The following PPP1R13L variants were observed in gnomAD, a reference collection of about 807,000 sequenced individuals.
The protein encoded by PPP1R13L is relA-associated inhibitor.
A neutral mutation model predicts 80.9 loss-of-function variants in PPP1R13L; 50 were observed. The ratio of observed to expected loss-of-function variants is 0.62; its 90% CI spans 0.49 to 0.78. The LOEUF is 0.78. Among genes scored for constraint, PPP1R13L ranks in the 30% least tolerant of loss-of-function variants. The pLI, the probability that PPP1R13L is intolerant of heterozygous loss-of-function variation, is 0.00. For missense variants in PPP1R13L, 1,200 were observed against 1,205.9 expected (o/e 1.00, Z 0.07); for synonymous variants, 602 against 534.3 (o/e 1.13, Z -1.75).
intron 1 of PPP1R13L, among the ~76,000 whole-genome samples, chr19:45,401,445 G>T (rs556026253): frequency 6.6e-6 from 1 of 150,976 alleles, no homozygotes; most frequent in South Asian, 2.1e-4. Flanking sequence ...CAATCCTCCC[G>T]CCTCAGCCTC....
Position 45,380,152 on chromosome 19 carries a change from C to T in PPP1R13L, c.*38G>A, listed in dbSNP as rs1203205274. 4.3e-6 allele frequency: 7 copies of T among 1,610,778 alleles called. No homozygotes were observed. In the South Asian group the frequency reaches 7.7e-5, roughly 18 times the overall value. ...GAGGTCTGGAGGGAAGGCAGGAATG[C>T]TTGTTTCTGTCAGCCTCAGAAACCT... On this transcript the variant is annotated 3_prime_UTR_variant, in exon 13 of 13. Coordinates refer to ENST00000360957, the MANE Select transcript of PPP1R13L (RefSeq NM_006663.4).
At position 45,396,501 on chromosome 19, in the gene PPP1R13L, T is replaced by A; in HGVS notation, c.712+44A>T. On this transcript the variant is annotated intron_variant, in intron 4 of 12. Coordinates refer to ENST00000360957, the MANE Select transcript of PPP1R13L (RefSeq NM_006663.4). The surrounding 1 kb of genome is among the most constrained non-coding windows in gnomAD (Gnocchi z 5.3). ...GGCGAGCCCCGGATCCTGCCCGCTT[T>A]GACCCCGCGAGTCAAAGGCCCCGCG... is the stretch of plus-strand genomic sequence containing the variant. 1 of 1,606,636 alleles carries A rather than the reference T, an allele frequency of 6.2e-7. No homozygotes were observed. Among genetic ancestry groups the A allele is most frequent in the Non-Finnish European group, 8.5e-7 (1 of 1,177,290 alleles).
Position 45,399,701 on chromosome 19 carries a change from C to T in PPP1R13L, c.-21-1362G>A, listed in dbSNP as rs375519681. 3.3e-5 allele frequency among the ~76,000 whole-genome samples: 5 copies of T among 151,314 alleles called. No homozygotes were observed. In the East Asian group the frequency reaches 5.8e-4, roughly 18 times the overall value. Reference sequence around the variant, plus strand: ...AGGCGCGGTGGTTCACTCCTGTAACCCGAGCACTTTGGGAGGCCGAGGTGG... The same window carrying T: ...AGGCGCGGTGGTTCACTCCTGTAACTCGAGCACTTTGGGAGGCCGAGGTGG... On this transcript the variant is annotated intron_variant, in intron 1 of 12. Coordinates refer to ENST00000360957, the MANE Select transcript of PPP1R13L (RefSeq NM_006663.4).
chr19:45,403,349 C>A (rs2123406405), intron 1 of PPP1R13L, among the ~76,000 whole-genome samples: 1 of 152,184 alleles, frequency 6.6e-6, no homozygotes, highest in Non-Finnish European at 1.5e-5. Flanking sequence ...TGAGATCATA[C>A]AAGCCCTGAG....
upstream of PPP1R13L, chr19:45,406,134 C>T: frequency 3.9e-6 from 1 of 257,816 alleles, no homozygotes; most frequent in Non-Finnish European, 6.1e-6. This position sits in a 1 kb window ranked among gnomAD's most constrained non-coding sequence, Gnocchi z 4.2. Flanking sequence ...AGTCCAGAAG[C>T]CCCGCCCCTG....
intron 7 of PPP1R13L, 127 bp downstream of exon 7, chr19:45,395,309 C>T: frequency 7.6e-7 from 1 of 1,313,142 alleles, no homozygotes; most frequent in Non-Finnish European, 1.1e-6. Flanking sequence ...TGGCCTAGCT[C>T]TCTGCAGGGA....
intron 1 of PPP1R13L, 126 bp from the exon 2 acceptor site, chr19:45,398,465 C>G (rs1973161784): frequency 1.1e-6 from 1 of 891,906 alleles, no homozygotes; most frequent in Admixed American, 2.7e-5. Flanking sequence ...AAGCCCTTTA[C>G]CCTTTCACCT....
In PPP1R13L at chr19:45,396,860, C is replaced by T; in HGVS notation, c.397G>A (p.Gly133Ser). The T allele has an allele frequency of 6.5e-7, 1 of 1,528,018 alleles. No individual in the cohort carries two copies. The highest frequency in any genetic ancestry group is 1.2e-5 in the South Asian group (1 of 82,478). 94.7% of individuals were successfully genotyped at this position (1,528,018 alleles called of 1,614,324 possible). ...GGCGAGGTCGCGCGGTCCAGGCTGC[C>T]GTAGGCGTCCGGCTGCAGGTAGAGC... is the stretch of plus-strand genomic sequence containing the variant. ...TPLYLQPDAY[G>S]SLDRATSPRP... is the part of the protein sequence containing the mutation. The change falls in exon 4 of 13, where the codon GGC becomes AGC. Residue 133 changes from glycine (G) to serine (S), a missense_variant. Gly to Ser is a moderately conservative substitution (Grantham distance 56). Coordinates refer to ENST00000360957, the MANE Select transcript of PPP1R13L (RefSeq NM_006663.4). This position sits in a 1 kb window ranked among gnomAD's most constrained non-coding sequence, Gnocchi z 5.3.
intron 12 of PPP1R13L, among the ~76,000 whole-genome samples, chr19:45,380,950 C>T (rs897729210): frequency 6.7e-6 from 1 of 150,328 alleles, no homozygotes; most frequent in African/African-American, 2.4e-5. Flanking sequence ...TCCTCAGTTA[C>T]ACTGTAATTT....
At position 45,397,469 on chromosome 19, in the gene PPP1R13L, TCTC is replaced by T. The variant is rs1489433394; in HGVS notation, c.199-414_199-412del. Among the ~76,000 whole-genome samples the T allele has an allele frequency of 9.0e-3, 876 of 97,724 alleles. 9 individuals carry two copies. Among genetic ancestry groups the T allele is most frequent in the East Asian group, 0.015 (55 of 3,552 alleles). The allele number at this position is 97,724 out of a possible 152,430, so 64.1% of individuals were successfully genotyped here. A position where few individuals can be genotyped will look rare whatever the true frequency, so the allele number is the denominator to read the frequency against. ...CCTCCCTGCTTGCTTGCTTTCTCTC[TCTC>T]TCTTTCTTTCTTTCTTTCTTTCTTT... is the stretch of plus-strand genomic sequence containing the variant. On this transcript the variant is annotated intron_variant, in intron 3 of 12. Coordinates refer to ENST00000360957, the MANE Select transcript of PPP1R13L (RefSeq NM_006663.4).
intron 1 of PPP1R13L, among the ~76,000 whole-genome samples, chr19:45,403,501 C>G (rs1035377096): frequency 6.6e-6 from 1 of 152,104 alleles, no homozygotes; most frequent in African/African-American, 2.4e-5. Flanking sequence ...AGATTCCAGA[C>G]AGAAGCTGGC....
chr19:45,399,608 T>C lies in PPP1R13L; in HGVS notation c.-21-1269A>G, dbSNP rs528254105. ...CACTGCACTCCAGCCTGGGCGACAG[T>C]GCGAGACTCCGTCTTAAAACAAACA... On this transcript the variant is annotated intron_variant, in intron 1 of 12. Coordinates refer to ENST00000360957, the MANE Select transcript of PPP1R13L (RefSeq NM_006663.4). Among the ~76,000 whole-genome samples the C allele has an allele frequency of 2.7e-5, 4 of 147,924 alleles. 1 individual carries two copies. Among genetic ancestry groups the C allele is most frequent in the African/African-American group, 7.4e-5 (3 of 40,442 alleles).
At chr19:45,390,889 T>G (rs34906680) in intron 8 of PPP1R13L, among the ~76,000 whole-genome samples, 11,354 of 152,106 alleles carry the variant, frequency 0.075, 1,323 homozygotes, top group African/African-American at 0.25. Flanking sequence ...CGGCCGAGAC[T>G]CACTATTTTA....
Position 45,396,006 on chromosome 19 carries a change from G to C in PPP1R13L, c.904-120C>G. ...AGCCCTGGGAGTGAGGGAGAAGAAA[G>C]GGTGAGGAAGGAGCAGAAACCCAGC... On this transcript the variant is annotated intron_variant, in intron 6 of 12. Coordinates refer to ENST00000360957, the MANE Select transcript of PPP1R13L (RefSeq NM_006663.4). This position sits in a 1 kb window ranked among gnomAD's most constrained non-coding sequence, Gnocchi z 5.3. 7.9e-7 allele frequency: 1 copy of C among 1,272,088 alleles called. No individual in the cohort carries two copies. Among genetic ancestry groups the C allele is most frequent in the Non-Finnish European group, 1.1e-6 (1 of 924,980 alleles). 78.8% of individuals were successfully genotyped at this position (1,272,088 alleles called of 1,614,324 possible).
intron 1 of PPP1R13L, among the ~76,000 whole-genome samples, chr19:45,402,524 C>T (rs1348759039): frequency 6.6e-6 from 1 of 152,256 alleles, no homozygotes; most frequent in Non-Finnish European, 1.5e-5. Flanking sequence ...CGGACCCCCG[C>T]CAGGAGGGCG....
At chr19:45,397,472 C>CTCTCTCTT (rs1272655512) in intron 3 of PPP1R13L, among the ~76,000 whole-genome samples, 5 of 83,402 alleles carry the variant, frequency 6.0e-5, no homozygotes, top group East Asian at 3.7e-4. Flanking sequence ...TTCTCTCTCT[C>CTCTCTCTT]TCTTTCTTTC....
chr19:45,385,707 C>A lies in PPP1R13L; in HGVS notation c.2103G>T (p.Ala701=), dbSNP rs755898827. The A allele has an allele frequency of 6.2e-7, 1 of 1,611,664 alleles. No individual in the cohort carries two copies. Among genetic ancestry groups the A allele is most frequent in the South Asian group, 1.1e-5 (1 of 90,978 alleles). The change falls in exon 11 of 13, where the codon GCG becomes GCT. Residue 701 remains alanine, a synonymous_variant. Coordinates refer to ENST00000360957, the MANE Select transcript of PPP1R13L (RefSeq NM_006663.4). ...SHGWTPLHCA[A]SCNDTVICMA... ...TGCAGATGACTGTGTCGTTGCACGA[C>A]GCCGCGCAGTGCAAGGGTGTCCTAG...
At position 45,393,017 on chromosome 19, in the gene PPP1R13L, A is replaced by C. The variant is rs867790645; in HGVS notation, c.1355-677T>G. 4 of 143,712 alleles carry C rather than the reference A, an allele frequency of 2.8e-5. No individual in the cohort carries two copies. The South Asian group carries it at 8.5e-4, about 30-fold the overall frequency. The allele number at this position is 143,712 out of a possible 1,614,324, so 8.9% of individuals were successfully genotyped here. A position where few individuals can be genotyped will look rare whatever the true frequency, so the allele number is the denominator to read the frequency against. ...CCTGTCTCTACTAAAAATACAAAAA[A>C]AAAAAAAAAAAAAAAAAAATTAGCT... On this transcript the variant is annotated intron_variant, in intron 7 of 12. Transcript: ENST00000360957.
At position 45,397,988 on chromosome 19, in the gene PPP1R13L, G is replaced by A. The variant is rs1315775523; in HGVS notation, c.198+17C>T. The A allele has an allele frequency of 6.2e-7, 1 of 1,600,074 alleles. No individual in the cohort carries two copies. The highest frequency in any genetic ancestry group is 2.2e-5 in the East Asian group (1 of 44,538). On this transcript the variant is annotated intron_variant, in intron 3 of 12. Coordinates refer to ENST00000360957, the MANE Select transcript of PPP1R13L (RefSeq NM_006663.4). The stretch of plus-strand genomic sequence containing the variant: ...CGAGAGGCTGGCTTTGGAGATCAAG[G>A]TGGGAACCAGGCTTACCCTAGAAGG...
Sources: allele counts gnomAD v4.1 joint callset (sites outside exome capture counted in the v4.1 genomes callset), GRCh38; gene constraint gnomAD v4.1.1; non-coding constraint Gnocchi (gnomAD v3.1); transcripts MANE v1.5; gene names NCBI Gene and HGNC (gene_info 2026-07-23, HGNC 2026-07-21).